The following IFNLR1 variants were observed in gnomAD, a reference collection of about 807,000 sequenced individuals.
The protein encoded by IFNLR1 is interferon lambda receptor 1.
A neutral mutation model predicts 52.5 loss-of-function variants in IFNLR1; 28 were observed. That is an observed-to-expected ratio of 0.53 (90% CI 0.40 to 0.73). The LOEUF (loss-of-function observed/expected upper bound fraction) is 0.73. IFNLR1 is among the 30% of genes least tolerant of loss of function. IFNLR1 has a pLI of 0.00. For synonymous variants in IFNLR1, 276 were observed against 274.9 expected (o/e 1.00, Z -0.04); for missense variants, 623 against 659.1 (o/e 0.95, Z 0.60).
rs1177502027 is a variant in IFNLR1 at position 24,156,811 on chromosome 1, A to T, written c.*319T>A. On this transcript the variant is annotated 3_prime_UTR_variant, in exon 7 of 7. Transcript: ENST00000327535. ...GCAGTGACCTGACCTCACCTGTTTC[A>T]TGTTGTCCGGGGATAATTTTTCCCC... 10 of 360,642 alleles carry T rather than the reference A, an allele frequency of 2.8e-5. No individual in the cohort carries two copies. Among genetic ancestry groups the T allele is most frequent in the Non-Finnish European group, 4.5e-5 (9 of 198,794 alleles). 22.3% of individuals were successfully genotyped at this position (360,642 alleles called of 1,614,324 possible). A position where few individuals can be genotyped will look rare whatever the true frequency, so the allele number is the denominator to read the frequency against.
chr1:24,179,559 A>G (rs3893319), intron 2 of IFNLR1, among the ~76,000 whole-genome samples: 14,629 of 152,230 alleles, frequency 0.096, 1,931 homozygotes, highest in African/African-American at 0.3. Flanking sequence ...CACACATGGA[A>G]GGATGACGTG....
chr1:24,180,693 C>CCCCCA, intron 2 of IFNLR1, 38 bp downstream of exon 2: 1 of 1,409,326 alleles, frequency 7.1e-7, no homozygotes, highest in Non-Finnish European at 9.8e-7. Context: ...CCCACCCCCT[C>CCCCCA]AGTCTTCCCA....
intron 2 of IFNLR1, among the ~76,000 whole-genome samples, chr1:24,170,804 C>T (rs749011349): frequency 1.5e-4 from 23 of 152,096 alleles, no homozygotes; most frequent in Admixed American, 3.9e-4. Context: ...AACTTGCTAA[C>T]GGATTGGATG....
chr1:24,159,451 T>C (rs4649195), intron 5 of IFNLR1, 23 bp downstream of exon 5: 1,086,603 of 1,609,896 alleles, frequency 0.67, 369,498 homozygotes, highest in Non-Finnish European at 0.69. Flanking sequence ...AAAGTTTCTC[T>C]TTCTGCACCA....
chr1:24,166,832 C>T (rs1450696414), intron 3 of IFNLR1, among the ~76,000 whole-genome samples: 2 of 152,156 alleles, frequency 1.3e-5, no homozygotes, highest in Non-Finnish European at 1.5e-5. Context: ...CCACCTTGGC[C>T]TCCCAAAGTG....
In IFNLR1 at chr1:24,168,884, C is replaced by T. The variant is rs561171046; in HGVS notation, c.367+533G>A. ...TCAGCCTCCCGAGTAGCTGGGATTA[C>T]AGGTGCCTGCCACCAAGCCTGGCTA... On this transcript the variant is annotated intron_variant, in intron 3 of 6. Coordinates refer to ENST00000327535, the MANE Select transcript of IFNLR1 (RefSeq NM_170743.4). 2.6e-5 allele frequency among the ~76,000 whole-genome samples: 4 copies of T among 152,280 alleles called. No individual in the cohort carries two copies. The South Asian group carries it at 8.3e-4, about 32-fold the overall frequency.
intron 2 of IFNLR1, among the ~76,000 whole-genome samples, chr1:24,180,296 CAAAA>C (rs5773074): frequency 7.0e-5 from 9 of 128,204 alleles, no homozygotes; most frequent in Admixed American, 7.8e-5. Context: ...GACTCTGTCT[CAAAA>C]AAAAAAAAAA....
intron 5 of IFNLR1, 26 bp downstream of exon 5, chr1:24,159,448 C>G (rs1163933122): frequency 6.2e-7 from 1 of 1,607,960 alleles, no homozygotes; most frequent in Admixed American, 1.7e-5. Flanking sequence ...GGGAAAGTTT[C>G]TCTTTCTGCA....
intron 1 of IFNLR1, 145 bp from the exon 2 acceptor site, chr1:24,180,999 C>G (rs1644685305): frequency 3.7e-6 from 3 of 820,894 alleles, no homozygotes; most frequent in Non-Finnish European, 5.6e-6. Flanking sequence ...GTACTGCAGC[C>G]CTTGTGCCAT....
chr1:24,183,021 C>A (rs187523353), intron 1 of IFNLR1, among the ~76,000 whole-genome samples: 5 of 152,276 alleles, frequency 3.3e-5, no homozygotes, highest in Admixed American at 3.3e-4. Context: ...TTACCTACTT[C>A]TGCAGGTTCA....
At chr1:24,160,712 T>G (rs560688351) in intron 4 of IFNLR1, among the ~76,000 whole-genome samples, 76 of 152,244 alleles carry the variant, frequency 5.0e-4, no homozygotes, top group African/African-American at 1.6e-3. Flanking sequence ...GTTGGCCACT[T>G]GTTTATGTAA....
rs548577457 is a variant in IFNLR1, at chr1:24,158,990, C to T, written c.801+62G>A. On this transcript the variant is annotated intron_variant, in intron 6 of 6. Coordinates refer to ENST00000327535, the MANE Select transcript of IFNLR1 (RefSeq NM_170743.4). The stretch of plus-strand genomic sequence containing the variant: ...ATTCTATCTGAACAACTCATAGCTC[C>T]AGCCCCACTCCCTTACTCTCAACCC... 2.6e-6 allele frequency: 4 copies of T among 1,536,486 alleles called. No individual in the cohort carries two copies. The East Asian group carries it at 9.0e-5, about 35-fold the overall frequency.
At chr1:24,185,772 C>T (rs1197983076) in intron 1 of IFNLR1, among the ~76,000 whole-genome samples, 1 of 152,228 alleles carries the variant, frequency 6.6e-6, no homozygotes, top group East Asian at 1.9e-4. Context: ...ATGAGAAAAA[C>T]AGCAGTTAGA....
intron 2 of IFNLR1, among the ~76,000 whole-genome samples, chr1:24,175,154 G>A (rs1644619435): frequency 2.0e-5 from 3 of 152,332 alleles, no homozygotes; most frequent in Admixed American, 1.3e-4. Context: ...CAAGTATAGG[G>A]AAAAATTTCC....
intron 5 of IFNLR1, 34 bp downstream of exon 5, chr1:24,159,440 G>C: frequency 1.9e-6 from 3 of 1,603,724 alleles, no homozygotes; most frequent in Non-Finnish European, 1.7e-6. Context: ...GGCCCAGAGG[G>C]AAAGTTTCTC....
rs1361640246 is a variant in IFNLR1 at position 24,156,830 on chromosome 1, T to C, written c.*300A>G. ...TGTTTCATGTTGTCCGGGGATAATT[T>C]TTCCCCCTGGCCTGTCACCCTAGGG... On this transcript the variant is annotated 3_prime_UTR_variant, in exon 7 of 7. Transcript: ENST00000327535. The C allele has an allele frequency of 7.3e-6, 3 of 409,660 alleles. No homozygotes were observed. Among genetic ancestry groups the C allele is most frequent in the Non-Finnish European group, 1.3e-5 (3 of 229,012 alleles). 25.4% of individuals were successfully genotyped at this position (409,660 alleles called of 1,614,324 possible). A position where few individuals can be genotyped will look rare whatever the true frequency, so the allele number is the denominator to read the frequency against.
At chr1:24,168,675 A>AC (rs1228929957) in intron 3 of IFNLR1, among the ~76,000 whole-genome samples, 4 of 149,512 alleles carry the variant, frequency 2.7e-5, no homozygotes, top group East Asian at 2.0e-4. Context: ...TATCATCTTT[A>AC]CCCCCCCACC....
In IFNLR1 at chr1:24,162,724, T is replaced by TTTCTTTC. The variant is rs1491315931; in HGVS notation, c.368-1041_368-1040insGAAAGAA. Among the ~76,000 whole-genome samples the TTTCTTTC allele has an allele frequency of 4.8e-3, 156 of 32,492 alleles. 37 individuals carry two copies. Among genetic ancestry groups the TTTCTTTC allele is most frequent in the East Asian group, 6.9e-3 (11 of 1,600 alleles). The allele number at this position is 32,492 out of a possible 152,430, so 21.3% of individuals were successfully genotyped here. A position where few individuals can be genotyped will look rare whatever the true frequency, so the allele number is the denominator to read the frequency against. ...TTCTTTTCTTTTCTTTCTTTCTTTC[T>TTTCTTTC]TTTCTTTCTTTCTTTCTTTCTTTCT... On this transcript the variant is annotated intron_variant, in intron 3 of 6. Transcript: ENST00000327535.
At chr1:24,158,980 C>T (rs1424012726) in intron 6 of IFNLR1, 72 bp downstream of exon 6, 54 of 1,479,682 alleles carry the variant, frequency 3.6e-5, no homozygotes, top group Non-Finnish European at 5.6e-6. Context: ...ATCTGAACAA[C>T]TCATAGCTCC....
Sources: allele counts gnomAD v4.1 joint callset (sites outside exome capture counted in the v4.1 genomes callset), GRCh38; gene constraint gnomAD v4.1.1; transcripts MANE v1.5; gene names NCBI Gene and HGNC (gene_info 2026-07-23, HGNC 2026-07-21).